The following PLA2G15 variants were observed in gnomAD, a reference collection of about 807,000 sequenced individuals.
PLA2G15 encodes the protein lysosomal phospholipase A and acyltransferase.
A neutral mutation model predicts 40.9 loss-of-function variants in PLA2G15; 20 were observed. The ratio of observed to expected loss-of-function variants is 0.49; its 90% CI spans 0.34 to 0.71. PLA2G15 has a LOEUF of 0.71. Ranked by LOEUF, PLA2G15 falls within the 30% of genes least tolerant of loss-of-function variation. The probability of loss-of-function intolerance (pLI) is 0.01; values close to 1 mark genes in which losing one functional copy is unlikely to be tolerated. For synonymous variants in PLA2G15, 223 were observed against 228.2 expected, an observed-to-expected ratio of 0.98 and a Z score of 0.21; for missense variants, 471 against 541.9, an observed-to-expected ratio of 0.87 and a Z score of 1.30.
At chr16:68,251,160 C>T (rs774067002) in intron 2 of PLA2G15, among the ~76,000 whole-genome samples, 2 of 151,510 alleles carry the variant, frequency 1.3e-5, no homozygotes, top group African/African-American at 2.4e-5. Context: ...TTTACAACTG[C>T]GAAATCTGGA....
rs375951831 is a variant in PLA2G15, at chr16:68,259,622, C to T, written c.1204C>T (p.Leu402=). Reference sequence around the variant, plus strand: ...CGAGATGCTGGCCAACGCCACCACCCTGGCCTATCTGAAACGTGTGCTCCT... The same window carrying T: ...CGAGATGCTGGCCAACGCCACCACCTTGGCCTATCTGAAACGTGTGCTCCT... ...HIEMLANATT[L]AYLKRVLLGP is the part of the protein sequence containing the mutation. Residue 402 remains leucine (L), a synonymous_variant, in exon 6 of 6, where the codon CTG becomes TTG. Transcript: ENST00000219345. The surrounding 1 kb of genome is among the most constrained non-coding windows in gnomAD (Gnocchi z 6.5). 1.7e-5 allele frequency: 27 copies of T among 1,612,990 alleles called. No homozygotes were observed. Among genetic ancestry groups the T allele is most frequent in the Non-Finnish European group, 2.2e-5 (26 of 1,179,878 alleles).
chr16:68,246,626 G>C (rs2042311536), intron 1 of PLA2G15, among the ~76,000 whole-genome samples: 1 of 152,164 alleles, frequency 6.6e-6, no homozygotes, highest in African/African-American at 2.4e-5. Flanking sequence ...GGGCAGACTT[G>C]GCCCTGCCTC....
chr16:68,259,357 C>T lies in PLA2G15; in HGVS notation c.939C>T (p.Asp313=). The change falls in exon 6 of 6, where the codon GAC becomes GAT. Residue 313 remains aspartate (D), a synonymous_variant. Coordinates refer to ENST00000219345, the MANE Select transcript of PLA2G15 (RefSeq NM_012320.4). This position sits in a 1 kb window ranked among gnomAD's most constrained non-coding sequence, Gnocchi z 6.5. ...AAGATGGCTGGCTCATGCGGCAGGACACAGAAGGGCTGGTGGAAGCCACGA... is the reference window on the plus strand; with the variant it reads ...AAGATGGCTGGCTCATGCGGCAGGATACAGAAGGGCTGGTGGAAGCCACGA... ...GFEDGWLMRQ[D]TEGLVEATMP... 1 of 1,613,996 alleles carries T rather than the reference C, an allele frequency of 6.2e-7. No individual in the cohort carries two copies. Among genetic ancestry groups the T allele is most frequent in the Non-Finnish European group, 8.5e-7 (1 of 1,180,008 alleles).
At chr16:68,258,983 G>A in intron 5 of PLA2G15, 163 bp from the exon 6 acceptor site, 1 of 626,274 alleles carries the variant, frequency 1.6e-6, no homozygotes, top group Non-Finnish European at 2.8e-6. Context: ...AAGAGCCAAG[G>A]CAGGGATGGG....
At chr16:68,257,444 T>C (rs2042411159) in intron 5 of PLA2G15, among the ~76,000 whole-genome samples, 1 of 152,156 alleles carries the variant, frequency 6.6e-6, no homozygotes, top group African/African-American at 2.4e-5. Context: ...GCCTGGCAAT[T>C]GGGAAAGCCA....
chr16:68,246,349 T>C (rs749852959), intron 1 of PLA2G15, among the ~76,000 whole-genome samples: 2 of 152,314 alleles, frequency 1.3e-5, no homozygotes, highest in African/African-American at 2.4e-5. Context: ...GGGTGCCTCA[T>C]TGAGGCCGTC....
Position 68,260,891 on chromosome 16 carries a change from C to T in PLA2G15, c.*1234C>T, listed in dbSNP as rs967773813. The T allele has an allele frequency of 6.6e-6, 1 of 152,358 alleles. No homozygotes were observed. Among genetic ancestry groups the T allele is most frequent in the African/African-American group, 2.4e-5 (1 of 41,460 alleles). The allele number at this position is 152,358 out of a possible 1,614,324, so 9.4% of individuals were successfully genotyped here. A position where few individuals can be genotyped will look rare whatever the true frequency, so the allele number is the denominator to read the frequency against. ...CCTCTAGGTGGGGTTCCCAAAGACG[C>T]CTTCACGCTGGACTGAGCTGCTCTC... On this transcript the variant is annotated 3_prime_UTR_variant, in exon 6 of 6. Coordinates refer to ENST00000219345, the MANE Select transcript of PLA2G15 (RefSeq NM_012320.4).
chr16:68,249,308 A>G lies in PLA2G15; in HGVS notation c.146A>G (p.Asn49Ser). The change falls in exon 2 of 6, where the codon AAC (asparagine) becomes AGC (serine). Residue 49 changes from asparagine (N) to serine (S), a missense_variant. Physicochemically the swap from Asn to Ser is conservative, Grantham distance 46. Transcript: ENST00000219345. The stretch of plus-strand genomic sequence containing the variant: ...CCTGCAGTCCCTGGTGATTTGGGTA[A>G]CCAACTGGAAGCCAAGCTGGACAAG... ...PVVLVPGDLGNQLEAKLDKPT... is the reference protein window; with the variant it reads ...PVVLVPGDLGSQLEAKLDKPT... The G allele has an allele frequency of 6.2e-7, 1 of 1,614,150 alleles. No individual in the cohort carries two copies. The highest frequency in any genetic ancestry group is 8.5e-7 in the Non-Finnish European group (1 of 1,180,012).
chr16:68,252,156 A>G (rs1467224024), intron 2 of PLA2G15, among the ~76,000 whole-genome samples: 1 of 152,176 alleles, frequency 6.6e-6, no homozygotes, highest in Admixed American at 6.6e-5. Context: ...TTTCCAGAAC[A>G]GTTTTCTGCA....
rs1309736026 is a variant in PLA2G15 at position 68,259,275 on chromosome 16, C to A, written c.857C>A (p.Pro286His). The change falls in exon 6 of 6, where the codon CCC becomes CAC. Residue 286 changes from proline to histidine, a missense_variant. By Grantham distance (77) the Pro-to-His change is moderately conservative. Coordinates refer to ENST00000219345, the MANE Select transcript of PLA2G15 (RefSeq NM_012320.4). This position sits in a 1 kb window ranked among gnomAD's most constrained non-coding sequence, Gnocchi z 6.5. ...CCTGAGAAGGTGTTCGTGCAGACAC[C>A]CACAATCAACTACACACTGCGGGAC... ...WSPEKVFVQT[P>H]TINYTLRDYR... is the part of the protein sequence containing the mutation. 1 of 1,614,038 alleles carries A rather than the reference C, an allele frequency of 6.2e-7. No individual in the cohort carries two copies. The highest frequency in any genetic ancestry group is 1.7e-5 in the Admixed American group (1 of 60,032).
rs2042440914 is a variant in PLA2G15, at chr16:68,260,700, G to A, written c.*1043G>A. ...GGGACTAGCCCAGAAACTTGAATGG[G>A]ACCCTGAGAGAGCCAGGGGTCCCCT... On this transcript the variant is annotated 3_prime_UTR_variant, in exon 6 of 6. Coordinates refer to ENST00000219345, the MANE Select transcript of PLA2G15 (RefSeq NM_012320.4). 6.6e-6 allele frequency: 1 copy of A among 152,296 alleles called. No individual in the cohort carries two copies. Among genetic ancestry groups the A allele is most frequent in the South Asian group, 2.1e-4 (1 of 4,836 alleles). 9.4% of individuals were successfully genotyped at this position (152,296 alleles called of 1,614,324 possible).
In PLA2G15 at chr16:68,259,978, C is replaced by T. The variant is rs1369142301; in HGVS notation, c.*321C>T. ...CAGTCCCTGCCTGGGGCCATGTGTC[C>T]CCCCTATTCCTGTGGGCTTTTCATA... is the stretch of plus-strand genomic sequence containing the variant. On this transcript the variant is annotated 3_prime_UTR_variant, in exon 6 of 6. Transcript: ENST00000219345. The surrounding 1 kb of genome is among the most constrained non-coding windows in gnomAD (Gnocchi z 6.5). 1.0e-5 allele frequency: 4 copies of T among 393,668 alleles called. No homozygotes were observed. The highest frequency in any genetic ancestry group is 8.5e-5 in the Admixed American group (2 of 23,642). 24.4% of individuals were successfully genotyped at this position (393,668 alleles called of 1,614,324 possible).
At chr16:68,253,863 AT>A (rs1392776409) in intron 2 of PLA2G15, among the ~76,000 whole-genome samples, 1 of 151,124 alleles carries the variant, frequency 6.6e-6, no homozygotes, top group African/African-American at 2.4e-5. Context: ...CTAATTTTTT[AT>A]TTTTAGTAGC....
In PLA2G15 at chr16:68,251,127, C is replaced by T. The variant is rs79489676; in HGVS notation, c.284+1681C>T. 3.2e-4 allele frequency among the ~76,000 whole-genome samples: 48 copies of T among 151,724 alleles called. No individual in the cohort carries two copies. The East Asian group carries it at 8.9e-3, about 28-fold the overall frequency. ...TTTTTTTTTCACCAGTGTTACTTGC[C>T]AACAGGTGGTTTTTAAACCTGCTTT... On this transcript the variant is annotated intron_variant, in intron 2 of 5. Transcript: ENST00000219345.
At chr16:68,252,617 G>C in intron 2 of PLA2G15, 1 of 455,910 alleles carries the variant, frequency 2.2e-6, no homozygotes, top group East Asian at 6.9e-5. Flanking sequence ...GAAACTATGA[G>C]ATCACGTGTG....
chr16:68,253,833 G>A (rs2042377133), intron 2 of PLA2G15, among the ~76,000 whole-genome samples: 1 of 151,844 alleles, frequency 6.6e-6, no homozygotes, highest in African/African-American at 2.4e-5. Flanking sequence ...GGGACCACAG[G>A]CCTGCACCAC....
rs1313077443 is a variant in PLA2G15 at position 68,260,929 on chromosome 16, T to C, written c.*1272T>C. ...CTGAGCTGCTCTCCCACAGGGTTTC[T>C]GTGCAGCTGGATTTTCTCTGTTGCA... On this transcript the variant is annotated 3_prime_UTR_variant, in exon 6 of 6. Coordinates refer to ENST00000219345, the MANE Select transcript of PLA2G15 (RefSeq NM_012320.4). The C allele has an allele frequency of 1.3e-5, 2 of 152,362 alleles. No individual in the cohort carries two copies. The highest frequency in any genetic ancestry group is 4.8e-5 in the African/African-American group (2 of 41,458). 9.4% of individuals were successfully genotyped at this position (152,362 alleles called of 1,614,324 possible).
chr16:68,260,379 G>T lies in PLA2G15; in HGVS notation c.*722G>T, dbSNP rs1235238709. The T allele has an allele frequency of 6.5e-6, 1 of 152,848 alleles. No individual in the cohort carries two copies. Among genetic ancestry groups the T allele is most frequent in the Non-Finnish European group, 1.5e-5 (1 of 68,204 alleles). 9.5% of individuals were successfully genotyped at this position (152,848 alleles called of 1,614,324 possible). A position where few individuals can be genotyped will look rare whatever the true frequency, so the allele number is the denominator to read the frequency against. On this transcript the variant is annotated 3_prime_UTR_variant, in exon 6 of 6. Coordinates refer to ENST00000219345, the MANE Select transcript of PLA2G15 (RefSeq NM_012320.4). ...CAGTCCCGCAGGCTGTGTTCCAGGGGCCCTGATTTCCTCGGATGTGCTATT... is the reference window on the plus strand; with the variant it reads ...CAGTCCCGCAGGCTGTGTTCCAGGGTCCCTGATTTCCTCGGATGTGCTATT...
In PLA2G15 at chr16:68,259,018, A is replaced by G. The variant is rs563548496; in HGVS notation, c.728-128A>G. On this transcript the variant is annotated intron_variant, in intron 5 of 5. Coordinates refer to ENST00000219345, the MANE Select transcript of PLA2G15 (RefSeq NM_012320.4). The surrounding 1 kb of genome is among the most constrained non-coding windows in gnomAD (Gnocchi z 6.5). ...GAGTCACAGTGATTACAATGATGATAACCGGGTAGAGATGCGGGACTGTGG... is the reference window on the plus strand; with the variant it reads ...GAGTCACAGTGATTACAATGATGATGACCGGGTAGAGATGCGGGACTGTGG... 42 of 716,558 alleles carry G rather than the reference A, an allele frequency of 5.9e-5. No individual in the cohort carries two copies. In the African/African-American group the frequency reaches 6.5e-4, roughly 11 times the overall value. The allele number at this position is 716,558 out of a possible 1,614,324, so 44.4% of individuals were successfully genotyped here.
Sources: gnomAD v4.1 joint callset for allele counts (sites outside exome capture counted in the v4.1 genomes callset) on GRCh38, gnomAD v4.1.1 for gene constraint, Gnocchi (gnomAD v3.1) non-coding constraint, MANE v1.5 for transcripts, NCBI Gene and HGNC (gene_info 2026-07-23, HGNC 2026-07-21) for gene names.